ZFP14: variants seen among roughly 807,000 people sequenced by gnomAD.
The protein encoded by ZFP14 is ZFP14 zinc finger protein, also known as zinc finger protein 14 homolog.
In ZFP14, 22 loss-of-function variants were observed where a neutral mutation model predicts 54.5. The ratio of observed to expected loss-of-function variants is 0.40; its 90% CI spans 0.29 to 0.58. The LOEUF is 0.58. ZFP14 is among the 20% of genes least tolerant of loss of function. The probability of loss-of-function intolerance (pLI) is 0.39; values close to 1 mark genes in which losing one functional copy is unlikely to be tolerated. For synonymous variants in ZFP14, 159 were observed against 204.0 expected (o/e 0.78, Z 1.88); for missense variants, 470 against 637.8 (o/e 0.74, Z 2.83).
Position 36,340,470 on chromosome 19 carries a change from A to G in ZFP14, c.1356T>C (p.Tyr452=), listed in dbSNP as rs8110644. Residue 452 remains tyrosine (Y), a synonymous_variant, in exon 5 of 5, where the codon TAT becomes TAC. Transcript: ENST00000270001. This position sits in a 1 kb window ranked among gnomAD's most constrained non-coding sequence, Gnocchi z 5.4. The part of the protein sequence containing the change: ...HQSIHTGEKP[Y]ECKECRKPFR... Reference sequence around the variant, plus strand: ...AAGGTTTTCTACATTCCTTACATTCATAAGGTTTCTCACCAGTGTGAATAC... The same window carrying G: ...AAGGTTTTCTACATTCCTTACATTCGTAAGGTTTCTCACCAGTGTGAATAC... 0.058 allele frequency: 93,391 copies of G among 1,614,112 alleles called. 3,078 individuals are homozygous for G. Among genetic ancestry groups the G allele is most frequent in the Non-Finnish European group, 0.066 (77,421 of 1,180,018 alleles).
chr19:36,353,303 T>C lies in ZFP14; in HGVS notation c.235+7132A>G, dbSNP rs567035334. Among the ~76,000 whole-genome samples the C allele has an allele frequency of 7.7e-5, 11 of 142,950 alleles. 1 individual carries two copies. The South Asian group carries it at 2.5e-3, about 32-fold the overall frequency. The allele number at this position is 142,950 out of a possible 152,430, so 93.8% of individuals were successfully genotyped here. A position where few individuals can be genotyped will look rare whatever the true frequency, so the allele number is the denominator to read the frequency against. On this transcript the variant is annotated intron_variant, in intron 4 of 4. Coordinates refer to ENST00000270001, the MANE Select transcript of ZFP14 (RefSeq NM_020917.3). Reference sequence around the variant, plus strand: ...AGTACCATTCTCAGCAAAACCACTATCATCTTCAATGTGGACAAATGAAAT... The same window carrying C: ...AGTACCATTCTCAGCAAAACCACTACCATCTTCAATGTGGACAAATGAAAT...
chr19:36,348,175 A>G (rs879306330), intron 4 of ZFP14, among the ~76,000 whole-genome samples: 3 of 152,196 alleles, frequency 2.0e-5, no homozygotes, highest in Non-Finnish European at 1.5e-5. Context: ...AAAATAAGTA[A>G]TTGGGTGCCA....
chr19:36,342,080 C>A (rs2031327961), intron 4 of ZFP14, among the ~76,000 whole-genome samples: 1 of 151,600 alleles, frequency 6.6e-6, no homozygotes, highest in African/African-American at 2.4e-5. Flanking sequence ...TGGTATCGAT[C>A]TCCTGACCTC....
intron 2 of ZFP14, among the ~76,000 whole-genome samples, chr19:36,362,664 G>A (rs556598946): frequency 7.9e-5 from 12 of 151,980 alleles, no homozygotes; most frequent in Middle Eastern, 3.4e-3. Context: ...ATTTGAGCCC[G>A]TAAGTTCAAG....
chr19:36,361,145 T>G (rs1009993220), intron 3 of ZFP14, among the ~76,000 whole-genome samples: 5 of 152,226 alleles, frequency 3.3e-5, no homozygotes, highest in African/African-American at 1.2e-4. Flanking sequence ...TTCTAGGATA[T>G]TCATTCAATG....
chr19:36,340,149 G>T lies in ZFP14; in HGVS notation c.*75C>A. The T allele has an allele frequency of 1.4e-6, 2 of 1,391,228 alleles. No homozygotes were observed. Among genetic ancestry groups the T allele is most frequent in the Non-Finnish European group, 1.9e-6 (2 of 1,044,766 alleles). The allele number at this position is 1,391,228 out of a possible 1,614,324, so 86.2% of individuals were successfully genotyped here. The stretch of plus-strand genomic sequence containing the variant: ...TAAAATTTATTATGCTTGGAATTGA[G>T]CATGAAACACATTTTCTCAAAAATG... On this transcript the variant is annotated 3_prime_UTR_variant, in exon 5 of 5. Transcript: ENST00000270001. The surrounding 1 kb of genome is among the most constrained non-coding windows in gnomAD (Gnocchi z 5.4).
chr19:36,373,066 T>C (rs2031904371), intron 1 of ZFP14, among the ~76,000 whole-genome samples: 1 of 151,868 alleles, frequency 6.6e-6, no homozygotes, highest in Admixed American at 6.6e-5. Flanking sequence ...TCACCTGAGG[T>C]CGGGAGTTCA....
Position 36,349,231 on chromosome 19 carries a change from C to CAAAAA in ZFP14, c.236-7646_236-7642dup, listed in dbSNP as rs1308523351. Reference sequence around the variant, plus strand: ...GGGCTATAAGAGGGGAACTCTGTCTCAAAAAAAAAAACAAAAAAAAAAAAA... The same window carrying CAAAAA: ...GGGCTATAAGAGGGGAACTCTGTCTCAAAAAAAAAAAAAAAACAAAAAAAAAAAAA... On this transcript the variant is annotated intron_variant, in intron 4 of 4. Coordinates refer to ENST00000270001, the MANE Select transcript of ZFP14 (RefSeq NM_020917.3). Among the ~76,000 whole-genome samples, 28 of 4,252 alleles carry CAAAAA rather than the reference C, an allele frequency of 6.6e-3. 3 individuals are homozygous for CAAAAA. The highest frequency in any genetic ancestry group is 9.4e-3 in the Non-Finnish European group (23 of 2,442). 2.8% of individuals were successfully genotyped at this position (4,252 alleles called of 152,430 possible).
chr19:36,350,518 T>C lies in ZFP14; in HGVS notation c.236-8928A>G, dbSNP rs1323375599. 1.4e-5 allele frequency among the ~76,000 whole-genome samples: 2 copies of C among 141,008 alleles called. 1 individual carries two copies. Among genetic ancestry groups the C allele is most frequent in the Non-Finnish European group, 3.1e-5 (2 of 63,848 alleles). 92.5% of individuals were successfully genotyped at this position (141,008 alleles called of 152,430 possible). ...TGGGAGGCTGAGGTGGGAGGATCAC[T>C]TGAGCCCAGGAGGGTGAGGCTGCCG... On this transcript the variant is annotated intron_variant, in intron 4 of 4. Coordinates refer to ENST00000270001, the MANE Select transcript of ZFP14 (RefSeq NM_020917.3).
chr19:36,347,130 T>A (rs1201084109), intron 4 of ZFP14, among the ~76,000 whole-genome samples: 1 of 152,202 alleles, frequency 6.6e-6, no homozygotes, highest in Non-Finnish European at 1.5e-5. Context: ...TGTCTTTGAC[T>A]GAGAGCATGT....
At chr19:36,361,389 G>A (rs891844195) in intron 3 of ZFP14, among the ~76,000 whole-genome samples, 2 of 151,856 alleles carry the variant, frequency 1.3e-5, no homozygotes, top group Admixed American at 1.3e-4. Context: ...ATAGGCATGC[G>A]CCACCATGCC....
At chr19:36,343,224 C>T (rs2031354148) in intron 4 of ZFP14, among the ~76,000 whole-genome samples, 2 of 152,184 alleles carry the variant, frequency 1.3e-5, no homozygotes, top group African/African-American at 2.4e-5. Context: ...TATTGGGATG[C>T]TGATCAATAT....
rs1035418318 is a variant in ZFP14 at position 36,351,357 on chromosome 19, G to A, written c.235+9078C>T. Among the ~76,000 whole-genome samples, 12 of 140,922 alleles carry A rather than the reference G, an allele frequency of 8.5e-5. 3 individuals are homozygous for A. The highest frequency in any genetic ancestry group is 6.3e-4 in the East Asian group (3 of 4,750). The allele number at this position is 140,922 out of a possible 152,430, so 92.5% of individuals were successfully genotyped here. On this transcript the variant is annotated intron_variant, in intron 4 of 4. Coordinates refer to ENST00000270001, the MANE Select transcript of ZFP14 (RefSeq NM_020917.3). ...CTACTAAAAACTACAAAAATTAGCC[G>A]GCATGGTGGTGCATGCCTGTAGTCC...
chr19:36,351,274 G>A (rs1305005850), intron 4 of ZFP14, among the ~76,000 whole-genome samples: 1 of 143,368 alleles, frequency 7.0e-6, no homozygotes, highest in African/African-American at 2.6e-5. Flanking sequence ...TGAGGTGGGC[G>A]GATCACCTGG....
Position 36,340,858 on chromosome 19 carries a change from C to T in ZFP14, c.968G>A (p.Cys323Tyr), listed in dbSNP as rs1318980252. 1 of 1,613,322 alleles carries T rather than the reference C, an allele frequency of 6.2e-7. No individual in the cohort carries two copies. Among genetic ancestry groups the T allele is most frequent in the Non-Finnish European group, 8.5e-7 (1 of 1,179,848 alleles). The part of the protein sequence containing the change: ...ECKECGKAFV[C>Y]GPDLRVHQKI... ...CTGATGTACTCTAAGGTCTGGACCA[C>T]ATACGAAGGCTTTCCCACATTCCTT... is the stretch of plus-strand genomic sequence containing the variant. Residue 323 changes from cysteine (C) to tyrosine (Y), a missense_variant, in exon 5 of 5, where the codon TGT (cysteine) becomes TAT (tyrosine). By Grantham distance (194) the Cys-to-Tyr change is radical. Transcript: ENST00000270001. The surrounding 1 kb of genome is among the most constrained non-coding windows in gnomAD (Gnocchi z 5.4).
In ZFP14 at chr19:36,335,694, A is replaced by C. The variant is rs1194300676; in HGVS notation, c.*4530T>G. The C allele has an allele frequency of 3.3e-5, 5 of 152,096 alleles. No individual in the cohort carries two copies. Among genetic ancestry groups the C allele is most frequent in the Admixed American group, 3.3e-4 (5 of 15,268 alleles). The allele number at this position is 152,096 out of a possible 1,614,324, so 9.4% of individuals were successfully genotyped here. ...TACATTTTTACTTGTACTGGAATGAATATACACGTTTGTGCATGTGTGCAT... is the reference window on the plus strand; with the variant it reads ...TACATTTTTACTTGTACTGGAATGACTATACACGTTTGTGCATGTGTGCAT... On this transcript the variant is annotated 3_prime_UTR_variant, in exon 5 of 5. Coordinates refer to ENST00000270001, the MANE Select transcript of ZFP14 (RefSeq NM_020917.3).
In ZFP14 at chr19:36,334,878, A is replaced by T. The variant is rs564034744; in HGVS notation, c.*5346T>A. ...TTGAATTCCTCAAAAGTAGATTTTT[A>T]TTTTATTTTATTTGAGACTGAGTTT... On this transcript the variant is annotated 3_prime_UTR_variant, in exon 5 of 5. Coordinates refer to ENST00000270001, the MANE Select transcript of ZFP14 (RefSeq NM_020917.3). The T allele has an allele frequency of 7.9e-6, 1 of 126,870 alleles. No individual in the cohort carries two copies. The highest frequency in any genetic ancestry group is 3.3e-5 in the African/African-American group (1 of 30,152). The allele number at this position is 126,870 out of a possible 1,614,324, so 7.9% of individuals were successfully genotyped here.
At chr19:36,368,693 A>G (rs1325851290) in intron 1 of ZFP14, among the ~76,000 whole-genome samples, 1 of 152,082 alleles carries the variant, frequency 6.6e-6, no homozygotes, top group East Asian at 1.9e-4. Flanking sequence ...GAACTACCTA[A>G]ACACAGCAAC....
chr19:36,365,438 C>A (rs537229695), intron 2 of ZFP14, among the ~76,000 whole-genome samples: 2 of 152,236 alleles, frequency 1.3e-5, no homozygotes, highest in African/African-American at 4.8e-5. Context: ...ATATGTGAAG[C>A]ACAGTATGGA....
Sources: allele counts gnomAD v4.1 joint callset (sites outside exome capture counted in the v4.1 genomes callset), GRCh38; gene constraint gnomAD v4.1.1; non-coding constraint Gnocchi (gnomAD v3.1); transcripts MANE v1.5; gene names NCBI Gene and HGNC (gene_info 2026-07-23, HGNC 2026-07-21).